The following LARGE1 variants were observed in gnomAD, a reference collection of about 807,000 sequenced individuals.
The protein encoded by LARGE1 is LARGE xylosyl- and glucuronyltransferase 1.
In LARGE1, 43 loss-of-function variants were observed where a neutral mutation model predicts 87.6. That is an observed-to-expected ratio of 0.49 (90% confidence interval 0.38 to 0.63). The LOEUF (loss-of-function observed/expected upper bound fraction) is 0.63, where lower values mean the gene tolerates loss of function less well. Ranked by LOEUF, LARGE1 falls within the 30% of genes least tolerant of loss-of-function variation. The pLI is 0.00. For synonymous variants in LARGE1, 434 were observed against 394.6 expected (o/e 1.10, Z -1.18); for missense variants, 802 against 1,000.2 (o/e 0.80, Z 2.67).
intron 2 of LARGE1, among the ~76,000 whole-genome samples, chr22:33,657,872 G>A (rs978160379): frequency 2.6e-5 from 4 of 151,574 alleles, no homozygotes; most frequent in Non-Finnish European, 1.5e-5. Context: ...TGTCTGCATC[G>A]TCTCATTTTA....
At chr22:33,521,978 G>C (rs952596313) in intron 6 of LARGE1, among the ~76,000 whole-genome samples, 1 of 152,162 alleles carries the variant, frequency 6.6e-6, no homozygotes, top group African/African-American at 2.4e-5. Context: ...GCAAGAACAG[G>C]AGCGGGAGAG....
intron 5 of LARGE1, among the ~76,000 whole-genome samples, chr22:33,569,973 C>T (rs2078145608): frequency 6.6e-6 from 1 of 152,296 alleles, no homozygotes; most frequent in East Asian, 1.9e-4. Flanking sequence ...TTTTCCTCAC[C>T]TAGGAGCAGA....
upstream of LARGE1, among the ~76,000 whole-genome samples, chr22:33,921,863 G>A (rs1419970072): frequency 3.3e-5 from 5 of 152,098 alleles, no homozygotes; most frequent in Admixed American, 6.5e-5. The surrounding 1 kb of genome is among the most constrained non-coding windows in gnomAD (Gnocchi z 4.1). Flanking sequence ...CGGGGCACAG[G>A]AGCGGGGGTG....
intron 2 of LARGE1, among the ~76,000 whole-genome samples, chr22:33,704,354 C>A (rs2082494981): frequency 6.6e-6 from 1 of 152,206 alleles, no homozygotes; most frequent in Non-Finnish European, 1.5e-5. Flanking sequence ...AGAATCCTGG[C>A]CTGATGATTG....
chr22:33,882,291 A>G (rs1202086468), intron 1 of LARGE1, among the ~76,000 whole-genome samples: 3 of 152,060 alleles, frequency 2.0e-5, no homozygotes, highest in Non-Finnish European at 4.4e-5. Flanking sequence ...CGGCCTCCCC[A>G]AGTGCTGGGA....
chr22:33,137,860 A>C, the LARGE1 span, among the ~76,000 whole-genome samples: 1 of 152,018 alleles, frequency 6.6e-6, no homozygotes, highest in African/African-American at 2.4e-5. Context: ...ATATATGGAA[A>C]CCCCTGGATG....
intron 1 of LARGE1, among the ~76,000 whole-genome samples, chr22:33,890,710 G>C (rs1246691079): frequency 6.9e-6 from 1 of 144,506 alleles, no homozygotes; most frequent in Non-Finnish European, 1.5e-5. Flanking sequence ...TATTCAAAAG[G>C]ACCATGAGCT....
At chr22:33,693,890 T>C (rs1191628158) in intron 2 of LARGE1, among the ~76,000 whole-genome samples, 4 of 152,156 alleles carry the variant, frequency 2.6e-5, no homozygotes, top group African/African-American at 9.6e-5. Flanking sequence ...AAGCACGCTG[T>C]AGGGTGTGCC....
At chr22:33,920,753 G>GGCCGCC (rs551778913), upstream of LARGE1, among the ~76,000 whole-genome samples, 6 of 144,016 alleles carry the variant, frequency 4.2e-5, no homozygotes, top group Admixed American at 2.0e-4. Flanking sequence ...CGCCGGCCTT[G>GGCCGCC]GCCGCCGCCG....
At chr22:33,172,490 G>A (rs776784245) in intron 11 of LARGE1, among the ~76,000 whole-genome samples, 37 of 152,020 alleles carry the variant, frequency 2.4e-4, no homozygotes, top group Non-Finnish European at 4.6e-4. Flanking sequence ...TTGTGAAGAA[G>A]GTACTTGCTT....
chr22:33,651,405 A>AG (rs1379524617), intron 2 of LARGE1, among the ~76,000 whole-genome samples: 36 of 150,036 alleles, frequency 2.4e-4, no homozygotes, highest in East Asian at 2.1e-3. Context: ...AAAAAAAAAA[A>AG]AAAAAGAAAA....
At chr22:33,722,883 G>A (rs73170546) in intron 2 of LARGE1, among the ~76,000 whole-genome samples, 3 of 152,098 alleles carry the variant, frequency 2.0e-5, no homozygotes, top group East Asian at 1.9e-4. Flanking sequence ...GATTGGGGTC[G>A]CAAGTGGGAG....
chr22:33,342,481 T>C (rs1313152189), intron 9 of LARGE1, among the ~76,000 whole-genome samples: 1 of 152,206 alleles, frequency 6.6e-6, no homozygotes, highest in Non-Finnish European at 1.5e-5. Flanking sequence ...TCACAGCTGG[T>C]AAGTTGCAGT....
At chr22:33,072,850 T>C in the LARGE1 span, among the ~76,000 whole-genome samples, 13 of 152,296 alleles carry the variant, frequency 8.5e-5, no homozygotes, top group African/African-American at 3.1e-4. Flanking sequence ...CCGGTCCAGC[T>C]CATGCCAATG....
chr22:33,796,231 A>T (rs763324722), intron 1 of LARGE1, among the ~76,000 whole-genome samples: 1 of 152,246 alleles, frequency 6.6e-6, no homozygotes, highest in Non-Finnish European at 1.5e-5. Context: ...TCGGGTATAC[A>T]TCCATACACA....
In LARGE1 at chr22:33,891,248, C is replaced by T. The variant is rs186052115; in HGVS notation, c.-83+28747G>A. On this transcript the variant is annotated intron_variant, in intron 1 of 14. Transcript: ENST00000397394. ...AAATGCCTATAAAAATTTCCAATAT[C>T]TCCACCACTAAACTTGCCCCTTTGT... Among the ~76,000 whole-genome samples, 290 of 152,324 alleles carry T rather than the reference C, an allele frequency of 1.9e-3. 1 individual carries two copies. Among genetic ancestry groups the T allele is most frequent in the Non-Finnish European group, 2.3e-3 (157 of 68,038 alleles).
intron 1 of LARGE1, among the ~76,000 whole-genome samples, chr22:33,825,371 CG>C (rs2062750228): frequency 8.0e-6 from 1 of 125,668 alleles, no homozygotes. Flanking sequence ...AAGACATACC[CG>C]AGACTGGGTA....
At chr22:33,831,701 A>G (rs973980962) in intron 1 of LARGE1, among the ~76,000 whole-genome samples, 1 of 152,134 alleles carries the variant, frequency 6.6e-6, no homozygotes, top group East Asian at 1.9e-4. Flanking sequence ...ACTAGCAAAC[A>G]GTGGAAGCTA....
At chr22:33,575,363 ATC>A (rs2078324115) in intron 5 of LARGE1, among the ~76,000 whole-genome samples, 5 of 152,200 alleles carry the variant, frequency 3.3e-5, no homozygotes, top group Non-Finnish European at 7.3e-5. Context: ...TTGATGTAAG[ATC>A]AGGAGTTCTT....
Sources: allele counts gnomAD v4.1 joint callset (sites outside exome capture counted in the v4.1 genomes callset), GRCh38; gene constraint gnomAD v4.1.1; non-coding constraint Gnocchi (gnomAD v3.1); transcripts MANE v1.5; gene names NCBI Gene and HGNC (gene_info 2026-07-23, HGNC 2026-07-21).